Variants in FN3K observed in about 807,000 individuals in gnomAD.
FN3K encodes the protein fructosamine 3 kinase.
A neutral mutation model predicts 24.8 loss-of-function variants in FN3K; 24 were observed. The observed-to-expected ratio is 0.97, with a 90% CI of 0.70 to 1.36. FN3K has a LOEUF of 1.36. Among genes scored for constraint, FN3K ranks in the 40% most tolerant of loss-of-function variants. The probability of loss-of-function intolerance (pLI) is 0.00; values close to 1 mark genes in which losing one functional copy is unlikely to be tolerated. For missense variants in FN3K, 449 were observed against 416.7 expected, an observed-to-expected ratio of 1.08 and a Z score of -0.67; for synonymous variants, 192 against 175.2, an observed-to-expected ratio of 1.10 and a Z score of -0.76.
rs2046895109 is a variant in FN3K at position 82,735,629 on chromosome 17, C to T, written c.-8C>T. ...TCCGAGCGAGCAGAGTCCCGCGCCC[C>T]GCACTCCATGGAGCAGCTGCTGCGC... On this transcript the variant is annotated 5_prime_UTR_variant, in exon 1 of 6. Coordinates refer to ENST00000300784, the MANE Select transcript of FN3K (RefSeq NM_022158.4). The T allele has an allele frequency of 1.3e-6, 2 of 1,521,396 alleles. No homozygotes were observed. Among genetic ancestry groups the T allele is most frequent in the African/African-American group, 1.4e-5 (1 of 69,706 alleles). The allele number at this position is 1,521,396 out of a possible 1,614,324, so 94.2% of individuals were successfully genotyped here.
chr17:82,748,648 T>C (rs2046982311), intron 4 of FN3K, among the ~76,000 whole-genome samples: 1 of 152,218 alleles, frequency 6.6e-6, no homozygotes, highest in Admixed American at 6.5e-5. Context: ...TAGTTTTGAG[T>C]CTGTCATCTT....
intron 4 of FN3K, among the ~76,000 whole-genome samples, chr17:82,743,475 C>T (rs2046951710): frequency 6.6e-6 from 1 of 152,150 alleles, no homozygotes; most frequent in Non-Finnish European, 1.5e-5. Context: ...CTTCCCACTC[C>T]TTGGGAGGGC....
chr17:82,746,517 G>A (rs9909620), intron 4 of FN3K, among the ~76,000 whole-genome samples: 100 of 152,024 alleles, frequency 6.6e-4, no homozygotes, highest in African/African-American at 2.3e-3. Context: ...GCGTCCTTCA[G>A]AGGCTGGGCA....
chr17:82,739,447 A>T (rs1335146410), intron 2 of FN3K, among the ~76,000 whole-genome samples: 2 of 137,910 alleles, frequency 1.5e-5, no homozygotes, highest in East Asian at 4.1e-4. Flanking sequence ...CCACCACCTC[A>T]CGCAGCTATT....
intron 4 of FN3K, among the ~76,000 whole-genome samples, chr17:82,746,072 C>T (rs890540673): frequency 1.3e-4 from 18 of 133,464 alleles, no homozygotes; most frequent in African/African-American, 4.9e-4. Flanking sequence ...CCAGCCTGGG[C>T]GACAGAGCAA....
chr17:82,746,303 G>A (rs1026984476), intron 4 of FN3K, among the ~76,000 whole-genome samples: 1 of 152,066 alleles, frequency 6.6e-6, no homozygotes, highest in African/African-American at 2.4e-5. Context: ...AAGATGTGGA[G>A]CATCTATTCG....
intron 2 of FN3K, 133 bp downstream of exon 2, chr17:82,738,773 G>A (rs1014133253): frequency 9.7e-5 from 111 of 1,146,826 alleles, no homozygotes; most frequent in Admixed American, 3.5e-4. Flanking sequence ...TGGCTGAGCC[G>A]TCCACACAAC....
At chr17:82,748,662 A>G (rs1002143229) in intron 4 of FN3K, among the ~76,000 whole-genome samples, 193 bp from the exon 5 acceptor site, 7 of 151,852 alleles carry the variant, frequency 4.6e-5, no homozygotes, top group Non-Finnish European at 8.8e-5. Flanking sequence ...TCATCTTGCA[A>G]TTTGTTTTTT....
chr17:82,740,686 T>G, intron 2 of FN3K, 77 bp from the exon 3 acceptor site: 1 of 1,017,656 alleles, frequency 9.8e-7, no homozygotes, highest in African/African-American at 1.6e-5. Flanking sequence ...TATTTAAACC[T>G]TTCTCAAAAT....
In FN3K at chr17:82,735,668, C is replaced by T. The variant is rs902571874; in HGVS notation, c.32C>T (p.Thr11Ile). Reference sequence around the variant, plus strand: ...CAGCTGCTGCGCGCCGAGCTGCGCACCGCGACCCTGCGGGCCTTCGGCGGC... The same window carrying T: ...CAGCTGCTGCGCGCCGAGCTGCGCATCGCGACCCTGCGGGCCTTCGGCGGC... The part of the protein sequence containing the change: MEQLLRAELR[T>I]ATLRAFGGPG... Residue 11 changes from threonine (T) to isoleucine (I), a missense_variant, in exon 1 of 6, where the codon ACC (threonine) becomes ATC (isoleucine). Physicochemically the swap from Thr to Ile is moderately conservative, Grantham distance 89. Coordinates refer to ENST00000300784, the MANE Select transcript of FN3K (RefSeq NM_022158.4). 1.9e-6 allele frequency: 3 copies of T among 1,539,380 alleles called. No individual in the cohort carries two copies. Among genetic ancestry groups the T allele is most frequent in the South Asian group, 1.2e-5 (1 of 83,510 alleles).
At chr17:82,738,943 T>TAC (rs1820999272) in intron 2 of FN3K, among the ~76,000 whole-genome samples, 2 of 91,544 alleles carry the variant, frequency 2.2e-5, no homozygotes, top group South Asian at 8.5e-4. Flanking sequence ...TATATATATA[T>TAC]ATATTTTTTT....
At chr17:82,743,263 C>T (rs2046950716) in intron 4 of FN3K, among the ~76,000 whole-genome samples, 1 of 152,190 alleles carries the variant, frequency 6.6e-6, no homozygotes, top group Non-Finnish European at 1.5e-5. Context: ...TGAAATCTTA[C>T]CCAGAGCCCC....
chr17:82,750,113 TAA>T (rs35666411), intron 5 of FN3K, among the ~76,000 whole-genome samples: 19,542 of 152,104 alleles, frequency 0.13, 1,457 homozygotes, highest in Non-Finnish European at 0.16. Context: ...TGTAGCGAAA[TAA>T]AAGTGGCCAG....
intron 1 of FN3K, 75 bp from the exon 2 acceptor site, chr17:82,738,414 G>C (rs1425969579): frequency 1.3e-6 from 2 of 1,595,238 alleles, no homozygotes; most frequent in Admixed American, 1.7e-5. Context: ...CCACGTGGTA[G>C]CTTCTGTCAA....
intron 2 of FN3K, among the ~76,000 whole-genome samples, chr17:82,739,258 T>A (rs1028851404): frequency 1.4e-4 from 21 of 151,764 alleles, no homozygotes; most frequent in African/African-American, 4.8e-4. Context: ...AAAATAAGTA[T>A]ATTTGAACCC....
rs1020794615 is a variant in FN3K, at chr17:82,750,506, C to T, written c.681C>T (p.Asp227=). ...DLWSGNVAED[D]VGPIIYDPAS... is the part of the protein sequence containing the mutation. ...GGTCGGGAAACGTGGCTGAGGACGACGTGGGGCCCATTATTTACGACCCGG... is the reference window on the plus strand; with the variant it reads ...GGTCGGGAAACGTGGCTGAGGACGATGTGGGGCCCATTATTTACGACCCGG... The change falls in exon 6 of 6, where the codon GAC becomes GAT. Residue 227 remains aspartate (D), a synonymous_variant. Transcript: ENST00000300784. 6.2e-7 allele frequency: 1 copy of T among 1,614,110 alleles called. No individual in the cohort carries two copies. The highest frequency in any genetic ancestry group is 8.5e-7 in the Non-Finnish European group (1 of 1,180,014).
In FN3K at chr17:82,750,915, CCCCCGT is replaced by C. The variant is rs1201017764; in HGVS notation, c.*170_*175del. 2.0e-4 allele frequency: 75 copies of C among 375,802 alleles called. No individual in the cohort carries two copies. The highest frequency in any genetic ancestry group is 7.0e-4 in the Middle Eastern group (1 of 1,438). The allele number at this position is 375,802 out of a possible 1,614,324, so 23.3% of individuals were successfully genotyped here. On this transcript the variant is annotated 3_prime_UTR_variant, in exon 6 of 6. Coordinates refer to ENST00000300784, the MANE Select transcript of FN3K (RefSeq NM_022158.4). ...GTCCCCCCATCCTCCTGTCCCCGTC[CCCCCGT>C]CCCCGTCCCTCCATCCCTGTCCCCC...
rs1438017697 is a variant in FN3K at position 82,738,941 on chromosome 17, TATA to T, written c.293+302_293+304del. On this transcript the variant is annotated intron_variant, in intron 2 of 5. Transcript: ENST00000300784. ...ATATATACACATATATATATATATA[TATA>T]TATTTTTTTTTTTTTTGAAACACAG... Among the ~76,000 whole-genome samples, 369 of 99,928 alleles carry T rather than the reference TATA, an allele frequency of 3.7e-3. 7 individuals carry two copies. The highest frequency in any genetic ancestry group is 5.0e-3 in the Middle Eastern group (1 of 200). 65.6% of individuals were successfully genotyped at this position (99,928 alleles called of 152,430 possible).
chr17:82,738,925 CAT>C (rs201805110), intron 2 of FN3K, among the ~76,000 whole-genome samples: 16,245 of 103,966 alleles, frequency 0.16, 1,283 homozygotes, highest in Non-Finnish European at 0.17. Flanking sequence ...TATATATACA[CAT>C]ATATATATAT....
Sources: allele counts gnomAD v4.1 joint callset (sites outside exome capture counted in the v4.1 genomes callset), GRCh38; gene constraint gnomAD v4.1.1; transcripts MANE v1.5; gene names NCBI Gene and HGNC (gene_info 2026-07-23, HGNC 2026-07-21).